The following NCKAP5 variants were observed in gnomAD, a reference collection of about 807,000 sequenced individuals.
NCKAP5 encodes the protein NCK associated protein 5.
A neutral mutation model predicts 167.0 loss-of-function variants in NCKAP5; 92 were observed. The ratio of observed to expected loss-of-function variants is 0.55; its 90% CI spans 0.47 to 0.66. NCKAP5 has a LOEUF of 0.66. NCKAP5 is among the 30% of genes least tolerant of loss of function. NCKAP5 has a pLI of 0.00. For missense variants in NCKAP5, 2,378 were observed against 2,315.0 expected, an observed-to-expected ratio of 1.03 and a Z score of -0.56; for synonymous variants, 891 against 877.4, an observed-to-expected ratio of 1.02 and a Z score of -0.27.
At chr2:133,299,610 G>C (rs928721490) in intron 4 of NCKAP5, among the ~76,000 whole-genome samples, 2 of 152,104 alleles carry the variant, frequency 1.3e-5, no homozygotes, top group African/African-American at 4.8e-5. Context: ...AATTAGCCGA[G>C]TGTGGCGGAA....
At position 132,673,190 on chromosome 2, in the gene NCKAP5, TTC is replaced by T. The variant is rs1441988345; in HGVS notation, c.*97_*98del. 3 of 1,419,320 alleles carry T rather than the reference TTC, an allele frequency of 2.1e-6. No homozygotes were observed. The East Asian group carries it at 8.2e-5, about 39-fold the overall frequency. 87.9% of individuals were successfully genotyped at this position (1,419,320 alleles called of 1,614,324 possible). A position where few individuals can be genotyped will look rare whatever the true frequency, so the allele number is the denominator to read the frequency against. ...TCCTTCAACCTTGTTCAGAGAGTTC[TTC>T]TCTTTTTCTAATAAAATCACAGTAT... On this transcript the variant is annotated 3_prime_UTR_variant, in exon 20 of 20. Transcript: ENST00000409261.
the NCKAP5 span, among the ~76,000 whole-genome samples, chr2:133,616,433 G>T: frequency 6.6e-6 from 1 of 151,728 alleles, no homozygotes; most frequent in Non-Finnish European, 1.5e-5. Context: ...AAAGAGAGAA[G>T]AATCAAATAG....
At chr2:132,858,577 G>T (rs1194016117) in intron 11 of NCKAP5, among the ~76,000 whole-genome samples, 1 of 152,116 alleles carries the variant, frequency 6.6e-6, no homozygotes, top group East Asian at 1.9e-4. Flanking sequence ...CTCTGTCTTG[G>T]ATTATGAGCT....
intron 8 of NCKAP5, among the ~76,000 whole-genome samples, chr2:132,945,241 C>T (rs1697612813): frequency 6.7e-6 from 1 of 148,488 alleles, no homozygotes; most frequent in South Asian, 2.2e-4. Context: ...CATAGTCCCA[C>T]TTACATCAAC....
Position 132,783,110 on chromosome 2 carries a change from T to A in NCKAP5, c.3701A>T (p.Glu1234Val), listed in dbSNP as rs1189636602. 1 of 1,613,706 alleles carries A rather than the reference T, an allele frequency of 6.2e-7. No individual in the cohort carries two copies. The highest frequency in any genetic ancestry group is 1.3e-5 in the African/African-American group (1 of 75,000). Residue 1234 changes from glutamate (E) to valine (V), a missense_variant, in exon 14 of 20, where the codon GAA (glutamate) becomes GTA (valine). This residue lies in a region of NCKAP5 where 1,325 missense variants were observed against 1,274.5 expected (regional missense o/e 1.04). Transcript: ENST00000409261. ...TCCATCACTCCCAGGGATGCTACTT[T>A]CCAATGGCTCTTGTAGTGCTGTTTC... ...PLETALQEPL[E>V]SSIPGSDGRD...
chr2:132,920,775 A>ATGTATGTG lies in NCKAP5; in HGVS notation c.580-41860_580-41859insCACATACA, dbSNP rs1558943316. Reference sequence around the variant, plus strand: ...TATATATGTATATATATGTATGTATATATATATATATATATATATATATAT... The same window carrying ATGTATGTG: ...TATATATGTATATATATGTATGTATATGTATGTGTATATATATATATATATATATATAT... On this transcript the variant is annotated intron_variant, in intron 8 of 19. Coordinates refer to ENST00000409261, the MANE Select transcript of NCKAP5 (RefSeq NM_207363.3). Among the ~76,000 whole-genome samples, 42 of 6,236 alleles carry ATGTATGTG rather than the reference A, an allele frequency of 6.7e-3. 3 individuals carry two copies. The highest frequency in any genetic ancestry group is 0.015 in the African/African-American group (41 of 2,672). The allele number at this position is 6,236 out of a possible 152,430, so 4.1% of individuals were successfully genotyped here. A position where few individuals can be genotyped will look rare whatever the true frequency, so the allele number is the denominator to read the frequency against.
intron 3 of NCKAP5, among the ~76,000 whole-genome samples, chr2:133,450,822 T>C (rs1691504964): frequency 6.6e-6 from 1 of 152,190 alleles, no homozygotes; most frequent in African/African-American, 2.4e-5. Context: ...CACCACATGG[T>C]ATTAGTATCC....
intron 19 of NCKAP5, among the ~76,000 whole-genome samples, chr2:132,690,399 T>G (rs1686569187): frequency 6.6e-6 from 1 of 152,196 alleles, no homozygotes; most frequent in Non-Finnish European, 1.5e-5. Context: ...ATAATGGACT[T>G]ACTTGTTTTT....
chr2:133,253,812 T>C lies in NCKAP5; in HGVS notation c.144-40033A>G, dbSNP rs559272935. Among the ~76,000 whole-genome samples the C allele has an allele frequency of 2.8e-3, 428 of 152,298 alleles. 2 individuals carry two copies. Among genetic ancestry groups the C allele is most frequent in the African/African-American group, 9.9e-3 (412 of 41,550 alleles). ...AATTATAAATTCAAATGTGAGAAAGTGTCATCACAAAACCACTGAAGGACC... is the reference window on the plus strand; with the variant it reads ...AATTATAAATTCAAATGTGAGAAAGCGTCATCACAAAACCACTGAAGGACC... On this transcript the variant is annotated intron_variant, in intron 4 of 19. Coordinates refer to ENST00000409261, the MANE Select transcript of NCKAP5 (RefSeq NM_207363.3).
At position 133,400,694 on chromosome 2, in the gene NCKAP5, C is replaced by G. The variant is rs115552284; in HGVS notation, c.70-97584G>C. 2.3e-3 allele frequency among the ~76,000 whole-genome samples: 346 copies of G among 152,206 alleles called. 1 individual carries two copies. Among genetic ancestry groups the G allele is most frequent in the African/African-American group, 8.0e-3 (334 of 41,530 alleles). On this transcript the variant is annotated intron_variant, in intron 3 of 19. Coordinates refer to ENST00000409261, the MANE Select transcript of NCKAP5 (RefSeq NM_207363.3). ...AAAAATTTCTGTGGTCTTAAACTACCAAGTTTGTGGTAATTTGTTAGAGCA... is the reference window on the plus strand; with the variant it reads ...AAAAATTTCTGTGGTCTTAAACTACGAAGTTTGTGGTAATTTGTTAGAGCA...
intron 2 of NCKAP5, among the ~76,000 whole-genome samples, chr2:133,544,905 G>T (rs1686529901): frequency 6.6e-6 from 1 of 152,104 alleles, no homozygotes; most frequent in Non-Finnish European, 1.5e-5. Context: ...AGTCTCTCCT[G>T]CCTATAGAAT....
At chr2:133,229,740 C>A (rs1431448426) in intron 4 of NCKAP5, among the ~76,000 whole-genome samples, 1 of 152,132 alleles carries the variant, frequency 6.6e-6, no homozygotes, top group Non-Finnish European at 1.5e-5. Flanking sequence ...GCTATGCTAG[C>A]AACATGATTC....
At chr2:132,824,290 G>T (rs1490671304) in intron 11 of NCKAP5, among the ~76,000 whole-genome samples, 1 of 152,166 alleles carries the variant, frequency 6.6e-6, no homozygotes, top group African/African-American at 2.4e-5. Context: ...CCATCTTTCT[G>T]CTCTGCTCTG....
intron 3 of NCKAP5, among the ~76,000 whole-genome samples, chr2:133,355,129 T>G (rs983251248): frequency 6.6e-6 from 1 of 152,254 alleles, no homozygotes; most frequent in Non-Finnish European, 1.5e-5. Flanking sequence ...GTAATCTTTT[T>G]GTAGCTTAAG....
chr2:132,934,577 A>T (rs10193755), intron 8 of NCKAP5, among the ~76,000 whole-genome samples: 6,575 of 152,228 alleles, frequency 0.043, 440 homozygotes, highest in African/African-American at 0.15. Context: ...GTCTCGAACA[A>T]AGAAAATTTT....
intron 8 of NCKAP5, among the ~76,000 whole-genome samples, chr2:132,879,754 A>C (rs542157826): frequency 6.6e-6 from 1 of 152,324 alleles, no homozygotes; most frequent in African/African-American, 2.4e-5. Context: ...CCTTCTCTAA[A>C]ATCCTCCTTG....
At chr2:133,089,326 G>T (rs185617985) in intron 6 of NCKAP5, among the ~76,000 whole-genome samples, 1 of 152,234 alleles carries the variant, frequency 6.6e-6, no homozygotes, top group Non-Finnish European at 1.5e-5. Context: ...TTTAAAACAA[G>T]CTTTAATAAG....
In NCKAP5 at chr2:132,879,054, T is replaced by G; in HGVS notation, c.580-138A>C. The G allele has an allele frequency of 4.4e-6, 3 of 681,962 alleles. No individual in the cohort carries two copies. In the Admixed American group the frequency reaches 6.9e-5, roughly 16 times the overall value. 42.2% of individuals were successfully genotyped at this position (681,962 alleles called of 1,614,324 possible). A position where few individuals can be genotyped will look rare whatever the true frequency, so the allele number is the denominator to read the frequency against. On this transcript the variant is annotated intron_variant, in intron 8 of 19. Coordinates refer to ENST00000409261, the MANE Select transcript of NCKAP5 (RefSeq NM_207363.3). ...AGAAGTACCTATGACAAGTTCACTC[T>G]AAGTACTATTATAAATATCGCAGGG...
At chr2:133,528,691 A>G (rs1008841627) in intron 2 of NCKAP5, among the ~76,000 whole-genome samples, 5 of 152,226 alleles carry the variant, frequency 3.3e-5, no homozygotes, top group Admixed American at 1.3e-4. Context: ...ATCCAAGACA[A>G]CTATGGCTTA....
Sources: gnomAD v4.1 joint callset for allele counts (sites outside exome capture counted in the v4.1 genomes callset) on GRCh38, gnomAD v4.1.1 for gene constraint, gnomAD v4.1.1 regional missense constraint, MANE v1.5 for transcripts, NCBI Gene and HGNC (gene_info 2026-07-23, HGNC 2026-07-21) for gene names.